The following ARMH1 variants were observed in gnomAD, a reference collection of about 807,000 sequenced individuals.
ARMH1 encodes the protein armadillo like helical domain containing 1.
ARMH1 carries 34 observed loss-of-function variants against 50.2 expected under a neutral mutation model. The ratio of observed to expected loss-of-function variants is 0.68; its 90% CI spans 0.51 to 0.90. The LOEUF (loss-of-function observed/expected upper bound fraction) is 0.90. Ranked by LOEUF, ARMH1 falls within the 40% of genes least tolerant of loss-of-function variation. ARMH1 has a pLI of 0.00. For missense variants in ARMH1, 538 were observed against 553.9 expected (o/e 0.97, Z 0.29); for synonymous variants, 221 against 224.2 (o/e 0.99, Z 0.13).
intron 6 of ARMH1, among the ~76,000 whole-genome samples, chr1:44,723,368 C>G (rs1281214811): frequency 8.5e-5 from 13 of 152,138 alleles, no homozygotes; most frequent in Admixed American, 8.5e-4. Flanking sequence ...CACATGCAGC[C>G]GTGCCGAAAG....
At chr1:44,720,927 C>T (rs1647081070) in intron 6 of ARMH1, among the ~76,000 whole-genome samples, 1 of 152,078 alleles carries the variant, frequency 6.6e-6, no homozygotes, top group South Asian at 2.1e-4. Context: ...ATCCCAGCTA[C>T]TCGGGAGGCT....
Position 44,725,472 on chromosome 1 carries a change from G to A in ARMH1, c.*69G>A. 2 of 1,477,748 alleles carry A rather than the reference G, an allele frequency of 1.4e-6. No homozygotes were observed. The highest frequency in any genetic ancestry group is 1.4e-5 in the African/African-American group (1 of 71,522). The allele number at this position is 1,477,748 out of a possible 1,614,324, so 91.5% of individuals were successfully genotyped here. A position where few individuals can be genotyped will look rare whatever the true frequency, so the allele number is the denominator to read the frequency against. ...GAAGCCTGGCAAGAGGAAGGCGCCT[G>A]GGGTCAAGCTCAGAGCCACTCCACT... On this transcript the variant is annotated 3_prime_UTR_variant, in exon 12 of 12. Coordinates refer to ENST00000535358, the MANE Select transcript of ARMH1 (RefSeq NM_001145636.2).
rs932297613 is a variant in ARMH1, at chr1:44,682,485, G to C, written c.-22-7191G>C. On this transcript the variant is annotated intron_variant, in intron 1 of 11. Transcript: ENST00000535358. This position sits in a 1 kb window ranked among gnomAD's most constrained non-coding sequence, Gnocchi z 4.5. ...GCAGCAGCAGCATGGGTTGAGGCAA[G>C]GGGTGGGGTGGGGTGTCAGGTTTCA... Among the ~76,000 whole-genome samples the C allele has an allele frequency of 6.6e-6, 1 of 152,188 alleles. No individual in the cohort carries two copies. Among genetic ancestry groups the C allele is most frequent in the African/African-American group, 2.4e-5 (1 of 41,448 alleles).
At chr1:44,685,530 C>G (rs1388384074) in intron 1 of ARMH1, among the ~76,000 whole-genome samples, 2 of 152,066 alleles carry the variant, frequency 1.3e-5, no homozygotes, top group Non-Finnish European at 2.9e-5. Context: ...AGGCTGGTCT[C>G]AAACTCCTGG....
At chr1:44,722,833 G>A (rs961595144) in intron 6 of ARMH1, among the ~76,000 whole-genome samples, 1 of 150,440 alleles carries the variant, frequency 6.6e-6, no homozygotes, top group South Asian at 2.1e-4. Context: ...GCCGAGGCGC[G>A]TGGATCACGA....
intron 1 of ARMH1, among the ~76,000 whole-genome samples, chr1:44,685,343 G>C (rs7512488): frequency 0.031 from 4,674 of 151,032 alleles, 254 homozygotes; most frequent in African/African-American, 0.11. Flanking sequence ...GGGTCTTGCT[G>C]TGTTGCCCAG....
At chr1:44,677,972 G>A (rs904372627) in intron 1 of ARMH1, among the ~76,000 whole-genome samples, 2 of 152,158 alleles carry the variant, frequency 1.3e-5, no homozygotes, top group Non-Finnish European at 2.9e-5. Flanking sequence ...ATTCTACCAG[G>A]AGGGCCATGC....
Position 44,696,730 on chromosome 1 carries a change from A to G in ARMH1, c.207-372A>G, listed in dbSNP as rs571481429. ...TAGGGAAATCTAAGAATGAGGCACA[A>G]AGTCATGAACTATGCTGACACCAAG... is the stretch of plus-strand genomic sequence containing the variant. On this transcript the variant is annotated intron_variant, in intron 2 of 11. Transcript: ENST00000535358. Among the ~76,000 whole-genome samples the G allele has an allele frequency of 6.6e-4, 101 of 152,280 alleles. 1 individual carries two copies. In the South Asian group the frequency reaches 0.019, roughly 29 times the overall value.
rs112216111 is a variant in ARMH1 at position 44,704,713 on chromosome 1, T to C, written c.724+540T>C. Among the ~76,000 whole-genome samples the C allele has an allele frequency of 8.0e-3, 1,215 of 152,190 alleles. 15 individuals carry two copies. The highest frequency in any genetic ancestry group is 0.039 in the South Asian group (187 of 4,820). ...TTTTTGCAGAAACGAGGTCTCACTATGTTGCCCAGGCTGGTCTTGAACTCC... is the reference window on the plus strand; with the variant it reads ...TTTTTGCAGAAACGAGGTCTCACTACGTTGCCCAGGCTGGTCTTGAACTCC... On this transcript the variant is annotated intron_variant, in intron 6 of 11. Transcript: ENST00000535358.
Position 44,679,632 on chromosome 1 carries a change from G to A in ARMH1, c.-23+4759G>A, listed in dbSNP as rs142626904. Reference sequence around the variant, plus strand: ...GTCCTTAGTGTCCAAAGATGACACCGCTGCTGACATTGCTGTTTCCTGTCA... The same window carrying A: ...GTCCTTAGTGTCCAAAGATGACACCACTGCTGACATTGCTGTTTCCTGTCA... On this transcript the variant is annotated intron_variant, in intron 1 of 11. Coordinates refer to ENST00000535358, the MANE Select transcript of ARMH1 (RefSeq NM_001145636.2). Among the ~76,000 whole-genome samples the A allele has an allele frequency of 4.8e-4, 73 of 152,338 alleles. No homozygotes were observed. In the East Asian group the frequency reaches 0.011, roughly 24 times the overall value.
At position 44,700,528 on chromosome 1, in the gene ARMH1, ATCGC is replaced by A. The variant is rs1646031190; in HGVS notation, c.443-393_443-390del. ...CTACCTGGGAGGCTGAGGCAAGAGA[ATCGC>A]TTGAACCTGGGAGGCAGAGGTTGCA... On this transcript the variant is annotated intron_variant, in intron 4 of 11. Coordinates refer to ENST00000535358, the MANE Select transcript of ARMH1 (RefSeq NM_001145636.2). 2.0e-5 allele frequency among the ~76,000 whole-genome samples: 3 copies of A among 151,550 alleles called. No individual in the cohort carries two copies. The South Asian group carries it at 6.3e-4, about 32-fold the overall frequency.
rs1321274909 is a variant in ARMH1 at position 44,683,367 on chromosome 1, T to C, written c.-22-6309T>C. Among the ~76,000 whole-genome samples, 1 of 152,154 alleles carries C rather than the reference T, an allele frequency of 6.6e-6. No homozygotes were observed. Among genetic ancestry groups the C allele is most frequent in the African/African-American group, 2.4e-5 (1 of 41,420 alleles). On this transcript the variant is annotated intron_variant, in intron 1 of 11. Coordinates refer to ENST00000535358, the MANE Select transcript of ARMH1 (RefSeq NM_001145636.2). This position sits in a 1 kb window ranked among gnomAD's most constrained non-coding sequence, Gnocchi z 4.2. ...TGGAGCTCAGGTGGGAGGCCCAGAC[T>C]GAGGAGACGGATTTGAGAGTCGTGC...
chr1:44,700,548 A>G (rs945683868), intron 4 of ARMH1, among the ~76,000 whole-genome samples: 1 of 150,686 alleles, frequency 6.6e-6, no homozygotes, highest in Non-Finnish European at 1.5e-5. Context: ...CCTGGGAGGC[A>G]GAGGTTGCAG....
At chr1:44,685,205 G>A (rs1484324998) in intron 1 of ARMH1, among the ~76,000 whole-genome samples, 1 of 152,038 alleles carries the variant, frequency 6.6e-6, no homozygotes, top group Non-Finnish European at 1.5e-5. Flanking sequence ...CTTCAGAAAG[G>A]TTTCAAAATC....
At chr1:44,680,505 T>C (rs1645273177) in intron 1 of ARMH1, among the ~76,000 whole-genome samples, 1 of 152,178 alleles carries the variant, frequency 6.6e-6, no homozygotes, top group African/African-American at 2.4e-5. Flanking sequence ...TTGAGTGCCA[T>C]ATTGGGTTTA....
chr1:44,715,132 G>A (rs972164775), intron 6 of ARMH1, among the ~76,000 whole-genome samples: 1 of 152,142 alleles, frequency 6.6e-6, no homozygotes, highest in African/African-American at 2.4e-5. Context: ...GTAAGGAAGC[G>A]CACTTCTCAT....
At chr1:44,718,593 G>T (rs1306633115) in intron 6 of ARMH1, among the ~76,000 whole-genome samples, 1 of 152,178 alleles carries the variant, frequency 6.6e-6, no homozygotes, top group Non-Finnish European at 1.5e-5. Context: ...CCACAATGTT[G>T]CTGGGCCTTT....
At chr1:44,678,483 C>T (rs1645206091) in intron 1 of ARMH1, among the ~76,000 whole-genome samples, 1 of 151,888 alleles carries the variant, frequency 6.6e-6, no homozygotes, top group Non-Finnish European at 1.5e-5. Flanking sequence ...GACTGGGGAG[C>T]AGAAGAGGGT....
At chr1:44,715,627 T>G (rs1253537696) in intron 6 of ARMH1, among the ~76,000 whole-genome samples, 1 of 152,176 alleles carries the variant, frequency 6.6e-6, no homozygotes, top group African/African-American at 2.4e-5. Flanking sequence ...TGGCACAATC[T>G]CAGCTCAATG....
Sources: allele counts gnomAD v4.1 joint callset (sites outside exome capture counted in the v4.1 genomes callset), GRCh38; gene constraint gnomAD v4.1.1; non-coding constraint Gnocchi (gnomAD v3.1); transcripts MANE v1.5; gene names NCBI Gene and HGNC (gene_info 2026-07-23, HGNC 2026-07-21).